The following TPCN1 variants were observed in gnomAD, a reference collection of about 807,000 sequenced individuals.
The protein encoded by TPCN1 is two pore segment channel 1.
Under a neutral mutation model 108.8 loss-of-function variants are expected in TPCN1, and 52 were observed. The observed-to-expected ratio is 0.48, with a 90% CI of 0.38 to 0.60. The LOEUF (loss-of-function observed/expected upper bound fraction) is 0.60. Among genes scored for constraint, TPCN1 ranks in the 20% least tolerant of loss-of-function variants. TPCN1 has a pLI of 0.00. For synonymous variants in TPCN1, 446 were observed against 433.7 expected (o/e 1.03, Z -0.35); for missense variants, 806 against 1,072.8 (o/e 0.75, Z 3.47).
intron 2 of TPCN1, among the ~76,000 whole-genome samples, chr12:113,254,920 G>A (rs1012358610): frequency 5.9e-5 from 9 of 152,310 alleles, no homozygotes; most frequent in South Asian, 2.1e-4. Context: ...GGATATCTAC[G>A]AGAAACTTCT....
At chr12:113,264,599 A>G (rs1434149107) in intron 3 of TPCN1, among the ~76,000 whole-genome samples, 1 of 151,898 alleles carries the variant, frequency 6.6e-6, no homozygotes, top group Non-Finnish European at 1.5e-5. Flanking sequence ...GAATTGCTTG[A>G]ACCCAGGAGG....
At chr12:113,251,840 T>C (rs1056911402) in intron 2 of TPCN1, among the ~76,000 whole-genome samples, 4 of 152,228 alleles carry the variant, frequency 2.6e-5, no homozygotes, top group Non-Finnish European at 5.9e-5. Context: ...GACTTCGGCC[T>C]TACCCGATTG....
chr12:113,294,322 G>A (rs1239447415), intron 27 of TPCN1: 3 of 152,092 alleles, frequency 2.0e-5, no homozygotes, highest in Non-Finnish European at 4.4e-5. Context: ...CTTCCACCTT[G>A]GCTTCTAATT....
intron 15 of TPCN1, 26 bp downstream of exon 15, chr12:113,280,221 G>C (rs1955840042): frequency 6.3e-7 from 1 of 1,599,580 alleles, no homozygotes; most frequent in South Asian, 1.1e-5. Context: ...CTCCACTCTA[G>C]GCCACTTTCC....
At chr12:113,293,144 A>G (rs1234809326) in intron 26 of TPCN1, 71 bp downstream of exon 26, 1 of 1,600,372 alleles carries the variant, frequency 6.2e-7, no homozygotes, top group African/African-American at 1.3e-5. Flanking sequence ...CCCTTCCCTC[A>G]GATATTGGTA....
intron 2 of TPCN1, among the ~76,000 whole-genome samples, chr12:113,251,811 T>C (rs939462606): frequency 6.6e-6 from 1 of 152,170 alleles, no homozygotes; most frequent in African/African-American, 2.4e-5. Context: ...GGATTTTAAG[T>C]AGTGGAGTGA....
rs746708711 is a variant in TPCN1 at position 113,277,048 on chromosome 12, G to GCTGCTCATCA, written c.1059+13_1059+14insCTGCTCATCA. Reference sequence around the variant, plus strand: ...CATCAGCCAGAGGGTAGGAACTATGGGCCAGGGAGGGGCTTGGTCCCTGTC... The same window carrying GCTGCTCATCA: ...CATCAGCCAGAGGGTAGGAACTATGGCTGCTCATCAGCCAGGGAGGGGCTTGGTCCCTGTC... On this transcript the variant is annotated intron_variant, in intron 11 of 27. Coordinates refer to ENST00000335509, the MANE Select transcript of TPCN1 (RefSeq NM_017901.6). The GCTGCTCATCA allele has an allele frequency of 1.2e-6, 2 of 1,609,970 alleles. No individual in the cohort carries two copies. The highest frequency in any genetic ancestry group is 1.7e-6 in the Non-Finnish European group (2 of 1,176,790).
Position 113,268,854 on chromosome 12 carries a change from A to G in TPCN1, c.641A>G (p.Tyr214Cys). Residue 214 changes from tyrosine (Y) to cysteine (C), a missense_variant, in exon 6 of 28, where the codon TAT becomes TGT. Coordinates refer to ENST00000335509, the MANE Select transcript of TPCN1 (RefSeq NM_017901.6). This position sits in a 1 kb window ranked among gnomAD's most constrained non-coding sequence, Gnocchi z 7.3. Reference protein sequence around the residue: ...LRCIFLVDCRYCGGVRRNLRQ... With the variant: ...LRCIFLVDCRCCGGVRRNLRQ... ...TGCATTTTCCTGGTGGACTGTCGGT[A>G]TTGCGGTGGCGTCCGGCGGTAAGGC... 1 of 1,613,938 alleles carries G rather than the reference A, an allele frequency of 6.2e-7. No individual in the cohort carries two copies. The highest frequency in any genetic ancestry group is 8.5e-7 in the Non-Finnish European group (1 of 1,179,930).
At position 113,289,367 on chromosome 12, in the gene TPCN1, C is replaced by T. The variant is rs1956193452; in HGVS notation, c.1796+520C>T. On this transcript the variant is annotated intron_variant, in intron 21 of 27. Transcript: ENST00000335509. The surrounding 1 kb of genome is among the most constrained non-coding windows in gnomAD (Gnocchi z 4.1). ...ATCCTCAATTCAGAGAGTCCTCTTA[C>T]ATTTGGTCTTTACAGCCTCAAGCAC... Among the ~76,000 whole-genome samples the T allele has an allele frequency of 6.6e-6, 1 of 152,268 alleles. No homozygotes were observed. The highest frequency in any genetic ancestry group is 1.5e-5 in the Non-Finnish European group (1 of 68,048).
chr12:113,292,854 G>C (rs574567902), intron 25 of TPCN1, 80 bp from the exon 26 acceptor site: 265 of 1,504,606 alleles, frequency 1.8e-4, no homozygotes, highest in Middle Eastern at 4.9e-4. Flanking sequence ...CCTGCGGAAG[G>C]GGGCAAGGAG....
At chr12:113,241,202 T>C (rs1156872655) in intron 2 of TPCN1, among the ~76,000 whole-genome samples, 1 of 152,216 alleles carries the variant, frequency 6.6e-6, no homozygotes, top group Non-Finnish European at 1.5e-5. Context: ...ATTGACTGCA[T>C]AGGAATTCAG....
rs919842539 is a variant in TPCN1 at position 113,231,080 on chromosome 12, A to G, written c.112+4116A>G. Among the ~76,000 whole-genome samples, 1 of 152,242 alleles carries G rather than the reference A, an allele frequency of 6.6e-6. No homozygotes were observed. The highest frequency in any genetic ancestry group is 1.5e-5 in the Non-Finnish European group (1 of 68,044). ...CCGCGGAGTTGGCAACGACATGAGC[A>G]TGGGCTACTGGGAACGAAGCAAGCT... On this transcript the variant is annotated intron_variant, in intron 2 of 27. Coordinates refer to ENST00000335509, the MANE Select transcript of TPCN1 (RefSeq NM_017901.6). This position sits in a 1 kb window ranked among gnomAD's most constrained non-coding sequence, Gnocchi z 4.3.
chr12:113,261,841 A>AC (rs983066622), intron 3 of TPCN1, among the ~76,000 whole-genome samples: 59 of 151,556 alleles, frequency 3.9e-4, no homozygotes, highest in African/African-American at 1.2e-3. Flanking sequence ...TATACGTAGC[A>AC]CCCCCCACCC....
chr12:113,281,912 CTTTTTT>C (rs1161003553), intron 15 of TPCN1, among the ~76,000 whole-genome samples: 1 of 119,684 alleles, frequency 8.4e-6, no homozygotes, highest in Non-Finnish European at 1.7e-5. Flanking sequence ...ATTTGGATTT[CTTTTTT>C]TTTTTTTTTT....
chr12:113,290,341 G>A, intron 22 of TPCN1, 98 bp downstream of exon 22: 1 of 875,314 alleles, frequency 1.1e-6, no homozygotes. Flanking sequence ...AAGTGTCTGG[G>A]CCACACTTTC....
chr12:113,276,951 C>T lies in TPCN1; in HGVS notation c.975C>T (p.Asp325=). 6.2e-7 allele frequency: 1 copy of T among 1,613,970 alleles called. No individual in the cohort carries two copies. The highest frequency in any genetic ancestry group is 1.7e-4 in the Middle Eastern group (1 of 6,054). ...LLAVVFDTFN[D]IEKRKFKSLL... Reference sequence around the variant, plus strand: ...CTGTGGTGTTCGACACCTTCAATGACATTGAGAAACGCAAGTTCAAGTCTT... The same window carrying T: ...CTGTGGTGTTCGACACCTTCAATGATATTGAGAAACGCAAGTTCAAGTCTT... Residue 325 remains aspartate, a synonymous_variant, in exon 11 of 28, where the codon GAC becomes GAT. Coordinates refer to ENST00000335509, the MANE Select transcript of TPCN1 (RefSeq NM_017901.6).
chr12:113,263,541 A>C (rs1955125106), intron 3 of TPCN1, among the ~76,000 whole-genome samples: 3 of 152,346 alleles, frequency 2.0e-5, no homozygotes, highest in African/African-American at 7.2e-5. Flanking sequence ...GATTACAGGC[A>C]TGAGCCTCTG....
intron 27 of TPCN1, among the ~76,000 whole-genome samples, chr12:113,294,822 C>T (rs1470348521): frequency 6.6e-6 from 1 of 152,154 alleles, no homozygotes; most frequent in East Asian, 1.9e-4. Flanking sequence ...GTTGCCAGGG[C>T]TCCGGGGAGC....
At chr12:113,224,974 CT>C (rs1953418585) in intron 1 of TPCN1, among the ~76,000 whole-genome samples, 1 of 151,962 alleles carries the variant, frequency 6.6e-6, no homozygotes, top group Non-Finnish European at 1.5e-5. Context: ...TGGTCTTGAA[CT>C]CCTGAGCTCA....
Sources: gnomAD v4.1 joint callset for allele counts (sites outside exome capture counted in the v4.1 genomes callset) on GRCh38, gnomAD v4.1.1 for gene constraint, Gnocchi (gnomAD v3.1) non-coding constraint, MANE v1.5 for transcripts, NCBI Gene and HGNC (gene_info 2026-07-23, HGNC 2026-07-21) for gene names.